COMP: variants seen among roughly 807,000 people sequenced by gnomAD.
COMP encodes the protein cartilage oligomeric matrix protein (pseudoachondroplasia, epiphyseal dysplasia 1, multiple).
In COMP, 79 loss-of-function variants were observed where a neutral mutation model predicts 95.8. That is an observed-to-expected ratio of 0.82 (90% CI 0.69 to 0.99). COMP has a LOEUF of 0.99. COMP is among the 50% of genes least tolerant of loss of function. COMP has a pLI of 0.00. For synonymous variants in COMP, 438 were observed against 433.9 expected, an observed-to-expected ratio of 1.01 and a Z score of -0.12; for missense variants, 906 against 1,076.1, an observed-to-expected ratio of 0.84 and a Z score of 2.21.
rs1216150426 is a variant in COMP, at chr19:18,789,114, GC to G, written c.528+45del. On this transcript the variant is annotated intron_variant, in intron 5 of 18. Coordinates refer to ENST00000222271, the MANE Select transcript of COMP (RefSeq NM_000095.3). This position sits in a 1 kb window ranked among gnomAD's most constrained non-coding sequence, Gnocchi z 6.1. Reference sequence around the variant, plus strand: ...GAGTTTACTGGTAAACAAAATGGACGCCCCCTTCCCTTCTGCTCCAAAAATG... The same window carrying G: ...GAGTTTACTGGTAAACAAAATGGACGCCCCTTCCCTTCTGCTCCAAAAATG... 2 of 1,566,266 alleles carry G rather than the reference GC, an allele frequency of 1.3e-6. No individual in the cohort carries two copies. Among genetic ancestry groups the G allele is most frequent in the Non-Finnish European group, 1.7e-6 (2 of 1,159,788 alleles).
rs2055193989 is a variant in COMP at position 18,789,390 on chromosome 19, G to GC, written c.391-94dup. On this transcript the variant is annotated intron_variant, in intron 4 of 18. Transcript: ENST00000222271. This position sits in a 1 kb window ranked among gnomAD's most constrained non-coding sequence, Gnocchi z 6.1. ...TGTCTCGGATGTGGAAAGTTCAAGG[G>GC]CCATATGCCAGTGCTTGGAGCTCTG... is the stretch of plus-strand genomic sequence containing the variant. 3.1e-6 allele frequency: 4 copies of GC among 1,286,994 alleles called. No homozygotes were observed. The highest frequency in any genetic ancestry group is 4.1e-6 in the Non-Finnish European group (4 of 965,346). The allele number at this position is 1,286,994 out of a possible 1,614,324, so 79.7% of individuals were successfully genotyped here. A position where few individuals can be genotyped will look rare whatever the true frequency, so the allele number is the denominator to read the frequency against.
chr19:18,785,182 C>A, intron 15 of COMP, 90 bp from the exon 16 acceptor site: 2 of 1,269,932 alleles, frequency 1.6e-6, no homozygotes, highest in East Asian at 4.7e-5. Flanking sequence ...CCCCCTGGGT[C>A]CCGATCTGCC....
At chr19:18,790,784 C>T in intron 2 of COMP, 66 bp downstream of exon 2, 1 of 1,575,804 alleles carries the variant, frequency 6.3e-7, no homozygotes, top group Admixed American at 1.9e-5. Context: ...CTTCCTCTCT[C>T]CTCGCTGGGA....
chr19:18,790,726 A>C (rs899817625), intron 2 of COMP, 113 bp from the exon 3 acceptor site: 9 of 1,604,774 alleles, frequency 5.6e-6, no homozygotes, highest in South Asian at 5.5e-5. Context: ...AGGACTCCCT[A>C]CCCGCCGACC....
At position 18,788,384 on chromosome 19, in the gene COMP, G is replaced by A; in HGVS notation, c.867+26C>T. The A allele has an allele frequency of 1.3e-6, 2 of 1,516,144 alleles. No homozygotes were observed. The highest frequency in any genetic ancestry group is 9.1e-7 in the Non-Finnish European group (1 of 1,098,422). 93.9% of individuals were successfully genotyped at this position (1,516,144 alleles called of 1,614,324 possible). A position where few individuals can be genotyped will look rare whatever the true frequency, so the allele number is the denominator to read the frequency against. ...AAGTCCCGCCCTCCCTCCTGCCCAA[G>A]CCCGCCCCGCTCCGCCCCCACCCAC... On this transcript the variant is annotated intron_variant, in intron 8 of 18. Transcript: ENST00000222271. This position sits in a 1 kb window ranked among gnomAD's most constrained non-coding sequence, Gnocchi z 4.7.
At position 18,784,856 on chromosome 19, in the gene COMP, C is replaced by T; in HGVS notation, c.1914+40G>A. Reference sequence around the variant, plus strand: ...GGTTTTACGGAGGGTCATGGGAGGGCATGAGGACCGCAGAGGTCAGGCACG... The same window carrying T: ...GGTTTTACGGAGGGTCATGGGAGGGTATGAGGACCGCAGAGGTCAGGCACG... On this transcript the variant is annotated intron_variant, in intron 16 of 18. Coordinates refer to ENST00000222271, the MANE Select transcript of COMP (RefSeq NM_000095.3). The surrounding 1 kb of genome is among the most constrained non-coding windows in gnomAD (Gnocchi z 4.9). The T allele has an allele frequency of 1.2e-6, 2 of 1,606,358 alleles. No individual in the cohort carries two copies. Among genetic ancestry groups the T allele is most frequent in the Non-Finnish European group, 1.7e-6 (2 of 1,176,056 alleles).
chr19:18,789,427 A>G lies in COMP; in HGVS notation c.391-130T>C, dbSNP rs937307378. 22 of 1,046,826 alleles carry G rather than the reference A, an allele frequency of 2.1e-5. No homozygotes were observed. The highest frequency in any genetic ancestry group is 1.9e-4 in the Admixed American group (6 of 31,246). 64.8% of individuals were successfully genotyped at this position (1,046,826 alleles called of 1,614,324 possible). A position where few individuals can be genotyped will look rare whatever the true frequency, so the allele number is the denominator to read the frequency against. ...TGCTTGGAGCTCTGAGATGGAAGCA[A>G]TTGTCGCAGGGGTCAGGCACGACTT... On this transcript the variant is annotated intron_variant, in intron 4 of 18. Coordinates refer to ENST00000222271, the MANE Select transcript of COMP (RefSeq NM_000095.3). This position sits in a 1 kb window ranked among gnomAD's most constrained non-coding sequence, Gnocchi z 6.1.
rs1601059363 is a variant in COMP, at chr19:18,789,812, G to T, written c.390+130C>A. On this transcript the variant is annotated intron_variant, in intron 4 of 18. Transcript: ENST00000222271. This position sits in a 1 kb window ranked among gnomAD's most constrained non-coding sequence, Gnocchi z 6.1. ...CCCGCGGTAAGGAGGTAGTCTGGCCGTGCGCCCCCGGAGGTGAGAGGCTCT... is the reference window on the plus strand; with the variant it reads ...CCCGCGGTAAGGAGGTAGTCTGGCCTTGCGCCCCCGGAGGTGAGAGGCTCT... 1.7e-6 allele frequency: 2 copies of T among 1,193,224 alleles called. No homozygotes were observed. The highest frequency in any genetic ancestry group is 2.4e-6 in the Non-Finnish European group (2 of 835,642). The allele number at this position is 1,193,224 out of a possible 1,614,324, so 73.9% of individuals were successfully genotyped here. A position where few individuals can be genotyped will look rare whatever the true frequency, so the allele number is the denominator to read the frequency against.
In COMP at chr19:18,788,196, C is replaced by G; in HGVS notation, c.975+16G>C. 4 of 1,607,176 alleles carry G rather than the reference C, an allele frequency of 2.5e-6. No individual in the cohort carries two copies. Among genetic ancestry groups the G allele is most frequent in the Non-Finnish European group, 3.4e-6 (4 of 1,175,182 alleles). ...GGATTACAGGAGTGAACCACCGTGC[C>G]GAGCCGTAGATCTACCTTTTCATTG... On this transcript the variant is annotated intron_variant, in intron 9 of 18. Coordinates refer to ENST00000222271, the MANE Select transcript of COMP (RefSeq NM_000095.3). The surrounding 1 kb of genome is among the most constrained non-coding windows in gnomAD (Gnocchi z 4.7).
In COMP at chr19:18,782,811, T is replaced by A. The variant is rs533779545; in HGVS notation, c.*104A>T. 7.6e-7 allele frequency: 1 copy of A among 1,324,448 alleles called. No homozygotes were observed. Among genetic ancestry groups the A allele is most frequent in the East Asian group, 2.3e-5 (1 of 42,998 alleles). The allele number at this position is 1,324,448 out of a possible 1,614,324, so 82.0% of individuals were successfully genotyped here. On this transcript the variant is annotated 3_prime_UTR_variant, in exon 19 of 19. Transcript: ENST00000222271. ...ACTTTATTTTGTCCTCTCTGAGCCC[T>A]TCTCACTTCCCCCTCAGGACGGCCA...
Position 18,790,074 on chromosome 19 carries a change from C to A in COMP, c.258G>T (p.Arg86=). Reference sequence around the variant, plus strand: ...AGCCGGGCGCGCAGTGGAGCAGGGGCCGCACGCTGGGTAGGCCGGTGCGTA... The same window carrying A: ...AGCCGGGCGCGCAGTGGAGCAGGGGACGCACGCTGGGTAGGCCGGTGCGTA... ...QSVRTGLPSV[R]PLLHCAPGFC... is the part of the protein sequence containing the mutation. The change falls in exon 4 of 19, where the codon CGG becomes CGT. Residue 86 remains arginine (R), a synonymous_variant. Transcript: ENST00000222271. 6.5e-7 allele frequency: 1 copy of A among 1,547,262 alleles called. No homozygotes were observed.
chr19:18,783,282 C>T, intron 17 of COMP, 89 bp from the exon 18 acceptor site: 1 of 1,545,094 alleles, frequency 6.5e-7, no homozygotes, highest in South Asian at 1.2e-5. Flanking sequence ...AGATGGGTAC[C>T]CCTGACTGGG....
chr19:18,790,962 C>T (rs1479768120), intron 1 of COMP, 27 bp from the exon 2 acceptor site: 1 of 1,548,614 alleles, frequency 6.5e-7, no homozygotes, highest in African/African-American at 1.4e-5. Flanking sequence ...CCTGGTGAGG[C>T]GTCATGGGGC....
Position 18,789,146 on chromosome 19 carries a change from C to A in COMP, c.528+14G>T, listed in dbSNP as rs1434294934. 1 of 1,589,208 alleles carries A rather than the reference C, an allele frequency of 6.3e-7. No homozygotes were observed. The highest frequency in any genetic ancestry group is 1.4e-5 in the African/African-American group (1 of 73,914). On this transcript the variant is annotated intron_variant, in intron 5 of 18. Transcript: ENST00000222271. The surrounding 1 kb of genome is among the most constrained non-coding windows in gnomAD (Gnocchi z 6.1). ...TCCCTTCTGCTCCAAAAATGGGGCC[C>A]CCACACCTCTCACCTGCTTGTTGGC...
At chr19:18,786,692 G>C in intron 10 of COMP, 42 bp from the exon 11 acceptor site, 1 of 1,506,412 alleles carries the variant, frequency 6.6e-7, no homozygotes, top group South Asian at 1.1e-5. Flanking sequence ...ATTGGGACCA[G>C]GCCAGAATGA....
chr19:18,788,679 T>G lies in COMP; in HGVS notation c.675A>C (p.Ala225=). The change falls in exon 7 of 19, where the codon GCA becomes GCC. Residue 225 remains alanine (A), a synonymous_variant. Transcript: ENST00000222271. This position sits in a 1 kb window ranked among gnomAD's most constrained non-coding sequence, Gnocchi z 4.7. The stretch of plus-strand genomic sequence containing the variant: ...GCGAGCCGTCGGGGCAGAAGCGCTG[T>G]GCGCGCCGCTGGCAGCCGGACGCCT... The part of the protein sequence containing the change: ...GDQASGCQRR[A]QRFCPDGSPS... 2 of 1,542,218 alleles carry G rather than the reference T, an allele frequency of 1.3e-6. No homozygotes were observed. The highest frequency in any genetic ancestry group is 1.7e-6 in the Non-Finnish European group (2 of 1,145,134).
chr19:18,783,912 A>G (rs1467297247), intron 17 of COMP, among the ~76,000 whole-genome samples: 1 of 151,876 alleles, frequency 6.6e-6, no homozygotes, highest in African/African-American at 2.4e-5. Flanking sequence ...GCCTGGCCTA[A>G]TTTTTTTCTT....
In COMP at chr19:18,787,726, C is replaced by G. The variant is rs941935315; in HGVS notation, c.976-76G>C. The G allele has an allele frequency of 1.8e-4, 290 of 1,589,758 alleles. 1 individual carries two copies. Among genetic ancestry groups the G allele is most frequent in the Non-Finnish European group, 2.4e-4 (281 of 1,168,596 alleles). ...CACACTCCTCAGATTCCCAAATCTCCGAGGACGCGTCTCCTCCTCAAGGAA... is the reference window on the plus strand; with the variant it reads ...CACACTCCTCAGATTCCCAAATCTCGGAGGACGCGTCTCCTCCTCAAGGAA... On this transcript the variant is annotated intron_variant, in intron 9 of 18. Transcript: ENST00000222271.
At position 18,789,256 on chromosome 19, in the gene COMP, G is replaced by A; in HGVS notation, c.432C>T (p.Asn144=). 2 of 1,519,888 alleles carry A rather than the reference G, an allele frequency of 1.3e-6. No individual in the cohort carries two copies. The highest frequency in any genetic ancestry group is 1.8e-6 in the Non-Finnish European group (2 of 1,139,754). The allele number at this position is 1,519,888 out of a possible 1,614,324, so 94.2% of individuals were successfully genotyped here. ...HPCFPRVRCI[N]TSPGFRCEAC... ...CCTCGCAGCGGAACCCCGGGCTGGT[G>A]TTGATACAGCGGACTCGGGGGAAGC... is the stretch of plus-strand genomic sequence containing the variant. The change falls in exon 5 of 19, where the codon AAC becomes AAT. Residue 144 remains asparagine, a synonymous_variant. Transcript: ENST00000222271. This position sits in a 1 kb window ranked among gnomAD's most constrained non-coding sequence, Gnocchi z 6.1.
Sources: allele counts gnomAD v4.1 joint callset (sites outside exome capture counted in the v4.1 genomes callset), GRCh38; gene constraint gnomAD v4.1.1; non-coding constraint Gnocchi (gnomAD v3.1); transcripts MANE v1.5; gene names NCBI Gene and HGNC (gene_info 2026-07-23, HGNC 2026-07-21).